BMERB1: variants seen among roughly 807,000 people sequenced by gnomAD.
The protein encoded by BMERB1 is bMERB domain containing 1.
Under a neutral mutation model 23.6 loss-of-function variants are expected in BMERB1, and 12 were observed. The observed-to-expected ratio is 0.51, with a 90% CI of 0.33 to 0.82. BMERB1 has a LOEUF of 0.82. Among genes scored for constraint, BMERB1 ranks in the 40% least tolerant of loss-of-function variants. The pLI is 0.03. For synonymous variants in BMERB1, 122 were observed against 96.6 expected, an observed-to-expected ratio of 1.26 and a Z score of -1.54; for missense variants, 247 against 255.4, an observed-to-expected ratio of 0.97 and a Z score of 0.22.
At chr16:15,546,784 C>G (rs1482025565) in intron 2 of BMERB1, among the ~76,000 whole-genome samples, 3 of 152,144 alleles carry the variant, frequency 2.0e-5, no homozygotes, top group Non-Finnish European at 2.9e-5. Flanking sequence ...TTGTCTCCTG[C>G]TAAATCATGG....
intron 1 of BMERB1, among the ~76,000 whole-genome samples, chr16:15,484,807 A>G (rs911586178): frequency 2.0e-5 from 3 of 152,334 alleles, no homozygotes; most frequent in South Asian, 2.1e-4. Context: ...GTCTTGTGCA[A>G]CCATCACCTC....
chr16:15,440,128 C>G (rs2150920381), intron 1 of BMERB1, among the ~76,000 whole-genome samples: 1 of 151,508 alleles, frequency 6.6e-6, no homozygotes, highest in Non-Finnish European at 1.5e-5. Context: ...GCCTATAGTC[C>G]CAGCTACTAG....
intron 3 of BMERB1, among the ~76,000 whole-genome samples, chr16:15,570,259 C>G (rs538059435): frequency 1.3e-5 from 2 of 152,164 alleles, no homozygotes; most frequent in Non-Finnish European, 2.9e-5. Flanking sequence ...GAACGGTTCT[C>G]CACTCTCAAG....
intron 2 of BMERB1, among the ~76,000 whole-genome samples, chr16:15,533,857 C>A (rs1415725826): frequency 6.6e-6 from 1 of 152,070 alleles, no homozygotes; most frequent in African/African-American, 2.4e-5. Flanking sequence ...CTTGTTCAAC[C>A]CTGCGCATCC....
chr16:15,464,064 G>A (rs1353009540), intron 1 of BMERB1, among the ~76,000 whole-genome samples: 2 of 152,142 alleles, frequency 1.3e-5, no homozygotes, highest in East Asian at 1.9e-4. Flanking sequence ...TGTAATCTCA[G>A]CAGTTTGGGA....
intron 2 of BMERB1, among the ~76,000 whole-genome samples, chr16:15,557,863 G>T (rs1234179567): frequency 6.6e-6 from 1 of 152,156 alleles, no homozygotes; most frequent in African/African-American, 2.4e-5. Context: ...TGGCCAAGAT[G>T]GTGAAACTCC....
At chr16:15,443,073 C>A (rs1311397527) in intron 1 of BMERB1, among the ~76,000 whole-genome samples, 1 of 151,842 alleles carries the variant, frequency 6.6e-6, no homozygotes, top group Non-Finnish European at 1.5e-5. Flanking sequence ...CATGGTGAAA[C>A]CCCATCTCTA....
At chr16:15,513,349 A>C (rs183104336) in intron 1 of BMERB1, among the ~76,000 whole-genome samples, 1 of 152,286 alleles carries the variant, frequency 6.6e-6, no homozygotes, top group East Asian at 1.9e-4. Flanking sequence ...ATACAGCCAC[A>C]AATAGAAAAC....
chr16:15,574,079 C>G (rs888504865), intron 3 of BMERB1, among the ~76,000 whole-genome samples: 2 of 150,082 alleles, frequency 1.3e-5, no homozygotes, highest in Non-Finnish European at 3.0e-5. Flanking sequence ...ACTCACAGTT[C>G]GGCATAGCTG....
chr16:15,502,269 C>T (rs1355653311), intron 1 of BMERB1: 2 of 1,550,168 alleles, frequency 1.3e-6, no homozygotes, highest in East Asian at 4.9e-5. Flanking sequence ...TGGAGAATAA[C>T]AATCATAGCC....
intron 2 of BMERB1, among the ~76,000 whole-genome samples, chr16:15,546,187 C>T (rs2029905012): frequency 6.6e-6 from 1 of 152,140 alleles, no homozygotes; most frequent in Non-Finnish European, 1.5e-5. Context: ...ACTCAGGAGG[C>T]TGAGGCAGGA....
chr16:15,448,562 C>T (rs1182593907), intron 1 of BMERB1, among the ~76,000 whole-genome samples: 1 of 152,118 alleles, frequency 6.6e-6, no homozygotes, highest in African/African-American at 2.4e-5. Flanking sequence ...GGGAGGCCCA[C>T]GCGGGTGGGT....
intron 1 of BMERB1, among the ~76,000 whole-genome samples, chr16:15,465,533 A>G (rs1245297250): frequency 6.6e-6 from 1 of 151,938 alleles, no homozygotes; most frequent in Non-Finnish European, 1.5e-5. Flanking sequence ...TTGTATTTTT[A>G]GTAGAGACAG....
intron 2 of BMERB1, among the ~76,000 whole-genome samples, chr16:15,533,415 A>T (rs1329635271): frequency 6.9e-6 from 1 of 145,446 alleles, no homozygotes; most frequent in African/African-American, 2.6e-5. Flanking sequence ...TTTTTTCCTG[A>T]GATAGAGTCT....
intron 1 of BMERB1, among the ~76,000 whole-genome samples, chr16:15,505,101 T>C (rs1317773165): frequency 1.3e-5 from 2 of 152,212 alleles, no homozygotes; most frequent in Non-Finnish European, 2.9e-5. Flanking sequence ...GAACCGTTTG[T>C]TGAGGGACCC....
chr16:15,559,018 T>G lies in BMERB1; in HGVS notation c.231-8965T>G, dbSNP rs148035486. ...CTTTTAACCACTTACTTCTAGCTGA[T>G]CTTAAAACTTATATAGCTAAAAGTC... On this transcript the variant is annotated intron_variant, in intron 2 of 5. Transcript: ENST00000300006. Among the ~76,000 whole-genome samples, 322 of 150,384 alleles carry G rather than the reference T, an allele frequency of 2.1e-3. 4 individuals are homozygous for G. The highest frequency in any genetic ancestry group is 7.5e-3 in the African/African-American group (309 of 41,118).
intron 3 of BMERB1, among the ~76,000 whole-genome samples, chr16:15,576,090 G>A (rs890733959): frequency 8.0e-5 from 12 of 149,334 alleles, no homozygotes; most frequent in South Asian, 4.2e-4. Context: ...CCAGGCTGGA[G>A]TGCAGTGGCG....
chr16:15,489,628 A>T (rs2051400562), intron 1 of BMERB1, among the ~76,000 whole-genome samples: 1 of 152,168 alleles, frequency 6.6e-6, no homozygotes. Flanking sequence ...CAGGAAAAGC[A>T]GACAGAGCCA....
intron 1 of BMERB1, among the ~76,000 whole-genome samples, chr16:15,459,358 C>T (rs2051116563): frequency 6.7e-6 from 1 of 149,976 alleles, no homozygotes; most frequent in Admixed American, 6.6e-5. Flanking sequence ...AAAAAAAACA[C>T]CAGGATCCAA....
Sources: allele counts gnomAD v4.1 joint callset (sites outside exome capture counted in the v4.1 genomes callset), GRCh38; gene constraint gnomAD v4.1.1; transcripts MANE v1.5; gene names NCBI Gene and HGNC (gene_info 2026-07-23, HGNC 2026-07-21).